Variants in ANKS1B observed in about 807,000 individuals in gnomAD.
ANKS1B encodes the protein ankyrin repeat and sterile alpha motif domain containing 1B.
A neutral mutation model predicts 148.3 loss-of-function variants in ANKS1B; 36 were observed. The ratio of observed to expected loss-of-function variants is 0.24; its 90% CI spans 0.19 to 0.32. The LOEUF (loss-of-function observed/expected upper bound fraction) is 0.32, where lower values mean the gene tolerates loss of function less well. Among genes scored for constraint, ANKS1B ranks in the 10% least tolerant of loss-of-function variants. The probability of loss-of-function intolerance (pLI) is 1.00; values close to 1 mark genes in which losing one functional copy is unlikely to be tolerated. For synonymous variants in ANKS1B, 542 were observed against 560.8 expected (o/e 0.97, Z 0.47); for missense variants, 1,157 against 1,542.6 (o/e 0.75, Z 4.19).
intron 19 of ANKS1B, among the ~76,000 whole-genome samples, chr12:98,820,777 GCTT>G (rs1190425688): frequency 5.8e-4 from 89 of 152,264 alleles, no homozygotes; most frequent in South Asian, 1.0e-3. Flanking sequence ...ATGAATAGGA[GCTT>G]CTTGGACAGT....
chr12:99,252,606 G>A (rs1479042441), intron 12 of ANKS1B, among the ~76,000 whole-genome samples: 1 of 152,182 alleles, frequency 6.6e-6, no homozygotes, highest in African/African-American at 2.4e-5. Flanking sequence ...TGCAGCTATA[G>A]TGGTGAAGAG....
At chr12:99,053,394 T>C (rs1207141938) in intron 16 of ANKS1B, 85 bp from the exon 17 acceptor site, 1 of 1,099,582 alleles carries the variant, frequency 9.1e-7, no homozygotes, top group Middle Eastern at 2.1e-4. Context: ...GAAAATTTAT[T>C]TGACATGAAG....
chr12:98,763,377 T>C (rs1010839036), intron 25 of ANKS1B, among the ~76,000 whole-genome samples: 2 of 152,226 alleles, frequency 1.3e-5, no homozygotes, highest in African/African-American at 4.8e-5. Context: ...AATCATAGCC[T>C]TCAGCATTTA....
At chr12:99,599,529 TGAA>T (rs1314614122) in intron 9 of ANKS1B, among the ~76,000 whole-genome samples, 2 of 151,902 alleles carry the variant, frequency 1.3e-5, no homozygotes, top group Non-Finnish European at 2.9e-5. Flanking sequence ...GAGTTAATAG[TGAA>T]GAGAGATCAG....
At chr12:99,746,343 C>G (rs10778013) in intron 8 of ANKS1B, among the ~76,000 whole-genome samples, 66,414 of 151,892 alleles carry the variant, frequency 0.44, 14,918 homozygotes, top group South Asian at 0.61. Context: ...ATGAAATGCT[C>G]ATGTATTAGC....
At chr12:98,752,067 C>T (rs2098108003) in intron 25 of ANKS1B, among the ~76,000 whole-genome samples, 1 of 152,170 alleles carries the variant, frequency 6.6e-6, no homozygotes, top group African/African-American at 2.4e-5. Context: ...CTGTTTGTCT[C>T]TTATCTACCT....
chr12:99,541,461 T>C (rs1436071575), intron 9 of ANKS1B, among the ~76,000 whole-genome samples: 1 of 152,070 alleles, frequency 6.6e-6, no homozygotes, highest in African/African-American at 2.4e-5. Flanking sequence ...ACTTGGCTGG[T>C]TCAATATATG....
chr12:98,758,780 CTTTT>C (rs59375322), intron 25 of ANKS1B, among the ~76,000 whole-genome samples: 2 of 120,622 alleles, frequency 1.7e-5, no homozygotes, highest in East Asian at 2.4e-4. Flanking sequence ...CTTTTCCTTC[CTTTT>C]TTTTTTTTTT....
At chr12:99,485,418 A>T (rs2096475577) in intron 10 of ANKS1B, among the ~76,000 whole-genome samples, 1 of 152,072 alleles carries the variant, frequency 6.6e-6, no homozygotes. Flanking sequence ...TTTTTGTCTT[A>T]CTGCTCTTGG....
At chr12:99,096,115 A>G (rs2056026045) in intron 15 of ANKS1B, among the ~76,000 whole-genome samples, 1 of 152,220 alleles carries the variant, frequency 6.6e-6, no homozygotes. Context: ...AAATCCAAAC[A>G]CATTATAATC....
Position 99,746,332 on chromosome 12 carries a change from A to C in ANKS1B, c.1128+26590T>G, listed in dbSNP as rs558752225. Among the ~76,000 whole-genome samples, 4 of 152,294 alleles carry C rather than the reference A, an allele frequency of 2.6e-5. No individual in the cohort carries two copies. The South Asian group carries it at 8.3e-4, about 32-fold the overall frequency. ...CCTATCCAAGTGTTTAGTACTCAAA[A>C]ATGAAATGCTCATGTATTAGCAATC... On this transcript the variant is annotated intron_variant, in intron 8 of 26. Transcript: ENST00000683438.
intron 15 of ANKS1B, among the ~76,000 whole-genome samples, chr12:99,142,466 A>T (rs1449636802): frequency 1.3e-5 from 2 of 152,070 alleles, no homozygotes; most frequent in Non-Finnish European, 2.9e-5. Context: ...TAGTGTCTAG[A>T]GCAGAATAAG....
intron 14 of ANKS1B, among the ~76,000 whole-genome samples, chr12:99,226,510 G>A (rs985303031): frequency 1.3e-5 from 2 of 152,170 alleles, no homozygotes; most frequent in Admixed American, 1.3e-4. Context: ...TGTGTATATT[G>A]TCTAGGGTAT....
chr12:98,996,052 C>T (rs2099929366), intron 17 of ANKS1B, among the ~76,000 whole-genome samples: 1 of 108,106 alleles, frequency 9.3e-6, no homozygotes, highest in African/African-American at 5.6e-5. Context: ...TCATCTGGGG[C>T]TGGAATAGTT....
chr12:99,776,963 G>A (rs957475898), intron 6 of ANKS1B, among the ~76,000 whole-genome samples: 2 of 152,024 alleles, frequency 1.3e-5, no homozygotes, highest in South Asian at 2.1e-4. Flanking sequence ...GATTACAAGC[G>A]TGAGCCACCG....
chr12:99,454,269 A>G (rs1452565102), intron 10 of ANKS1B, among the ~76,000 whole-genome samples: 1 of 152,208 alleles, frequency 6.6e-6, no homozygotes, highest in African/African-American at 2.4e-5. Flanking sequence ...GCCACATTGC[A>G]TTTCTAAAAT....
chr12:99,846,527 G>A lies in ANKS1B; in HGVS notation c.135-21138C>T, dbSNP rs138949741. ...CAAGGTAGAATTTTAATGCTATAGT[G>A]TTACTATTTCCTCTTTTATTTCAGA... On this transcript the variant is annotated intron_variant, in intron 1 of 26. Transcript: ENST00000683438. 6.9e-3 allele frequency among the ~76,000 whole-genome samples: 1,043 copies of A among 152,106 alleles called. 13 individuals are homozygous for A. The highest frequency in any genetic ancestry group is 0.024 in the African/African-American group (993 of 41,510).
intron 9 of ANKS1B, among the ~76,000 whole-genome samples, chr12:99,630,034 C>G (rs891360655): frequency 6.6e-6 from 1 of 152,120 alleles, no homozygotes; most frequent in Non-Finnish European, 1.5e-5. Flanking sequence ...ATTCTTGAAA[C>G]TGAACTGCAC....
Position 98,744,332 on chromosome 12 carries a change from T to C in ANKS1B, c.*1407A>G, listed in dbSNP as rs962700887. The C allele has an allele frequency of 1.1e-6, 1 of 914,798 alleles. No individual in the cohort carries two copies. 56.7% of individuals were successfully genotyped at this position (914,798 alleles called of 1,614,324 possible). ...TCTTCAAAACTCACCAACTGATGAATGTAACTGATCATCTCAGTTAGGTTT... is the reference window on the plus strand; with the variant it reads ...TCTTCAAAACTCACCAACTGATGAACGTAACTGATCATCTCAGTTAGGTTT... On this transcript the variant is annotated 3_prime_UTR_variant, in exon 27 of 27. Transcript: ENST00000683438.
Sources: allele counts gnomAD v4.1 joint callset (sites outside exome capture counted in the v4.1 genomes callset), GRCh38; gene constraint gnomAD v4.1.1; transcripts MANE v1.5; gene names NCBI Gene and HGNC (gene_info 2026-07-23, HGNC 2026-07-21).